MGST1: variants seen among roughly 807,000 people sequenced by gnomAD.
The protein encoded by MGST1 is microsomal glutathione S-transferase 1, also known as glutathione S-transferase 12.
Under a neutral mutation model 8.9 loss-of-function variants are expected in MGST1, and 5 were observed. That is an observed-to-expected ratio of 0.56 (90% CI 0.29 to 1.19). The LOEUF (loss-of-function observed/expected upper bound fraction) is 1.19, where lower values mean the gene tolerates loss of function less well. MGST1 is among the 50% of genes most tolerant of loss of function. MGST1 has a pLI of 0.08. For synonymous variants in MGST1, 54 were observed against 67.8 expected, an observed-to-expected ratio of 0.80 and a Z score of 1.00; for missense variants, 182 against 187.4, an observed-to-expected ratio of 0.97 and a Z score of 0.17.
chr12:16,536,132 G>A (rs1163789045), intron 4 of MGST1, among the ~76,000 whole-genome samples: 2 of 151,290 alleles, frequency 1.3e-5, no homozygotes, highest in Non-Finnish European at 2.9e-5. Context: ...GTGAGGAGGA[G>A]TAGGGGAGTT....
chr12:16,591,997 T>C (rs1943507273), downstream of MGST1, among the ~76,000 whole-genome samples: 2 of 152,094 alleles, frequency 1.3e-5, no homozygotes, highest in African/African-American at 4.8e-5. This position sits in a 1 kb window ranked among gnomAD's most constrained non-coding sequence, Gnocchi z 4.1. Context: ...TAATAGTGAC[T>C]ATGTTTATCA....
rs1363996484 is a variant in MGST1, at chr12:16,546,250, A to G, written n.483-43278A>G. Among the ~76,000 whole-genome samples, 1 of 152,112 alleles carries G rather than the reference A, an allele frequency of 6.6e-6. No individual in the cohort carries two copies. Among genetic ancestry groups the G allele is most frequent in the African/African-American group, 2.4e-5 (1 of 41,452 alleles). On this transcript the variant is annotated intron_variant and non_coding_transcript_variant, in intron 4 of 4. Coordinates refer to the MGST1 transcript ENST00000538857. The surrounding 1 kb of genome is among the most constrained non-coding windows in gnomAD (Gnocchi z 4.7). ...TTCTCCAGGAGCAGGGTGAAAAAAG[A>G]TTTTGATTATGTATTATCTGAATGT...
chr12:16,408,613 T>C (rs554863979), intron 1 of MGST1, among the ~76,000 whole-genome samples: 1 of 152,286 alleles, frequency 6.6e-6, no homozygotes, highest in Non-Finnish European at 1.5e-5. Flanking sequence ...ATTTTGCAGT[T>C]TCACTGGAAA....
chr12:16,403,585 C>T lies in MGST1; in HGVS notation n.778+19981C>T, dbSNP rs138503379. Among the ~76,000 whole-genome samples the T allele has an allele frequency of 3.9e-5, 6 of 152,034 alleles. No individual in the cohort carries two copies. In the East Asian group the frequency reaches 1.2e-3, roughly 30 times the overall value. Reference sequence around the variant, plus strand: ...AAACTGCAATTACTTTTGCACCAGCCTAATATCAAAGTTTTCATTATGTTT... The same window carrying T: ...AAACTGCAATTACTTTTGCACCAGCTTAATATCAAAGTTTTCATTATGTTT... On this transcript the variant is annotated intron_variant and non_coding_transcript_variant, in intron 1 of 1. Coordinates refer to the MGST1 transcript ENST00000359720.
chr12:16,366,569 C>T (rs1185083595), downstream of MGST1, among the ~76,000 whole-genome samples: 4 of 151,106 alleles, frequency 2.6e-5, no homozygotes, highest in Non-Finnish European at 4.4e-5. This position sits in a 1 kb window ranked among gnomAD's most constrained non-coding sequence, Gnocchi z 4.0. Context: ...CATGTTTCTG[C>T]TACTTAATTT....
intron 4 of MGST1, among the ~76,000 whole-genome samples, chr12:16,515,630 CA>C (rs1767624794): frequency 2.6e-5 from 1 of 38,866 alleles, no homozygotes; most frequent in Admixed American, 3.8e-4. Flanking sequence ...AACTCTATCT[CA>C]GAAAAAAAAA....
intron 4 of MGST1, among the ~76,000 whole-genome samples, chr12:16,553,772 T>C (rs1942080246): frequency 6.6e-6 from 1 of 152,024 alleles, no homozygotes; most frequent in African/African-American, 2.4e-5. Context: ...ACAGATAGTA[T>C]GTATTTAACA....
intron 4 of MGST1, among the ~76,000 whole-genome samples, chr12:16,534,522 CG>C (rs768787930): frequency 2.6e-5 from 4 of 152,044 alleles, no homozygotes; most frequent in Non-Finnish European, 4.4e-5. Flanking sequence ...ACATGAAACA[CG>C]GGGCTAAATG....
intron 1 of MGST1, among the ~76,000 whole-genome samples, chr12:16,404,570 A>T (rs1044359674): frequency 6.6e-6 from 1 of 152,076 alleles, no homozygotes; most frequent in African/African-American, 2.4e-5. Flanking sequence ...GTTATTCTGT[A>T]AATTTCTACA....
intron 4 of MGST1, among the ~76,000 whole-genome samples, chr12:16,483,056 A>G (rs892609207): frequency 2.6e-5 from 4 of 152,240 alleles, no homozygotes; most frequent in African/African-American, 9.6e-5. Flanking sequence ...TAAATGCCCT[A>G]TAAGCATTTA....
chr12:16,428,226 C>T (rs999492676), intron 1 of MGST1, among the ~76,000 whole-genome samples: 5 of 147,836 alleles, frequency 3.4e-5, no homozygotes, highest in Non-Finnish European at 6.0e-5. Flanking sequence ...TTTTTTTTTT[C>T]GCCTTTTTTG....
At chr12:16,433,806 G>A (rs145866104) in intron 1 of MGST1, among the ~76,000 whole-genome samples, 316 of 152,026 alleles carry the variant, frequency 2.1e-3, no homozygotes, top group African/African-American at 7.4e-3. Context: ...GTCCCCCAAG[G>A]CGTTCAGTTA....
At chr12:16,486,548 T>G (rs1941399939) in intron 4 of MGST1, among the ~76,000 whole-genome samples, 1 of 152,204 alleles carries the variant, frequency 6.6e-6, no homozygotes, top group African/African-American at 2.4e-5. Context: ...ATAAATACAC[T>G]TATTACAGAA....
chr12:16,578,847 A>G (rs1356212896), intron 4 of MGST1, among the ~76,000 whole-genome samples: 2 of 151,758 alleles, frequency 1.3e-5, no homozygotes, highest in Non-Finnish European at 2.9e-5. Context: ...AACAACAACA[A>G]CAACAACAAC....
intron 4 of MGST1, among the ~76,000 whole-genome samples, chr12:16,508,364 A>T (rs1367691351): frequency 6.6e-6 from 1 of 152,140 alleles, no homozygotes; most frequent in Non-Finnish European, 1.5e-5. Context: ...GTGTTCCTAG[A>T]GAATCTTGCA....
At chr12:16,479,360 G>A (rs1371627026) in intron 4 of MGST1, among the ~76,000 whole-genome samples, 2 of 147,282 alleles carry the variant, frequency 1.4e-5, no homozygotes, top group Non-Finnish European at 3.0e-5. Context: ...TCAGCCTCCC[G>A]AGTAGCTGGG....
intron 4 of MGST1, among the ~76,000 whole-genome samples, chr12:16,510,961 A>C (rs1025105302): frequency 6.6e-6 from 1 of 152,220 alleles, no homozygotes; most frequent in African/African-American, 2.4e-5. Context: ...GTAAACTATG[A>C]GGCAAAAATT....
chr12:16,566,039 T>TATATATATAA lies in MGST1; in HGVS notation n.483-23488_483-23487insTATATATAAA, dbSNP rs1565488437. ...ATATATATATATATATATATATATA[T>TATATATATAA]AAAATGGAGTACTATTCAGCCATAA... is the stretch of plus-strand genomic sequence containing the variant. On this transcript the variant is annotated intron_variant and non_coding_transcript_variant, in intron 4 of 4. Transcript: ENST00000538857. Among the ~76,000 whole-genome samples, 11 of 86,506 alleles carry TATATATATAA rather than the reference T, an allele frequency of 1.3e-4. 1 individual carries two copies. Among genetic ancestry groups the TATATATATAA allele is most frequent in the Non-Finnish European group, 2.0e-4 (9 of 44,266 alleles). 56.8% of individuals were successfully genotyped at this position (86,506 alleles called of 152,430 possible).
At position 16,560,572 on chromosome 12, in the gene MGST1, C is replaced by CTCTT; in HGVS notation, n.483-28955_483-28952dup. 6.3e-7 allele frequency: 1 copy of CTCTT among 1,581,346 alleles called. No homozygotes were observed. The highest frequency in any genetic ancestry group is 8.6e-7 in the Non-Finnish European group (1 of 1,157,552). On this transcript the variant is annotated intron_variant and non_coding_transcript_variant, in intron 4 of 4. Coordinates refer to the MGST1 transcript ENST00000538857. The surrounding 1 kb of genome is among the most constrained non-coding windows in gnomAD (Gnocchi z 5.0). ...AGAAACATTTTTTTTTTTTTACAAA[C>CTCTT]TCTTACAGAGAAATCTGAGATCGTG... is the stretch of plus-strand genomic sequence containing the variant.
Sources: allele counts gnomAD v4.1 joint callset (sites outside exome capture counted in the v4.1 genomes callset), GRCh38; gene constraint gnomAD v4.1.1; non-coding constraint Gnocchi (gnomAD v3.1); transcripts MANE v1.5; gene names NCBI Gene and HGNC (gene_info 2026-07-23, HGNC 2026-07-21).